CYP2C18: variants seen among roughly 807,000 people sequenced by gnomAD.
CYP2C18 encodes the protein cytochrome P450 family 2 subfamily C member 18, also known as cytochrome P450 2C18.
In CYP2C18, 38 loss-of-function variants were observed where a neutral mutation model predicts 41.3. That is an observed-to-expected ratio of 0.92 (90% CI 0.71 to 1.21). The LOEUF is 1.21. Among genes scored for constraint, CYP2C18 ranks in the 50% most tolerant of loss-of-function variants. The pLI is 0.00. For missense variants in CYP2C18, 635 were observed against 591.4 expected, an observed-to-expected ratio of 1.07 and a Z score of -0.77; for synonymous variants, 236 against 210.0, an observed-to-expected ratio of 1.12 and a Z score of -1.07.
At chr10:94,700,594 C>G (rs551570429) in intron 4 of CYP2C18, among the ~76,000 whole-genome samples, 1 of 152,300 alleles carries the variant, frequency 6.6e-6, no homozygotes, top group Admixed American at 6.5e-5. Flanking sequence ...ATACCAAAAG[C>G]AATGGCAACA....
chr10:94,716,608 G>A (rs149969171), intron 5 of CYP2C18, among the ~76,000 whole-genome samples: 7 of 152,244 alleles, frequency 4.6e-5, no homozygotes, highest in Non-Finnish European at 4.4e-5. Context: ...CAACTATGTG[G>A]TCAGTTTTGG....
chr10:94,692,962 A>G (rs950979801), intron 3 of CYP2C18, among the ~76,000 whole-genome samples: 12 of 151,842 alleles, frequency 7.9e-5, no homozygotes, highest in African/African-American at 2.7e-4. Flanking sequence ...GAATTGAACA[A>G]TGAGAACACA....
chr10:94,719,537 G>A (rs1847612930), intron 5 of CYP2C18, among the ~76,000 whole-genome samples: 1 of 151,618 alleles, frequency 6.6e-6, no homozygotes, highest in Admixed American at 6.6e-5. Context: ...CATGTAGCTG[G>A]GACCACAGAT....
In CYP2C18 at chr10:94,735,707, T is replaced by C. The variant is rs1847909206; in HGVS notation, c.*263T>C. ...ATGCTAATACCTATCTACTGCTGAGTTGTCAGTATGTTATCACTAGAAAAC... is the reference window on the plus strand; with the variant it reads ...ATGCTAATACCTATCTACTGCTGAGCTGTCAGTATGTTATCACTAGAAAAC... On this transcript the variant is annotated 3_prime_UTR_variant, in exon 9 of 9. Transcript: ENST00000285979. 4.5e-6 allele frequency: 2 copies of C among 447,416 alleles called. No homozygotes were observed. Among genetic ancestry groups the C allele is most frequent in the Non-Finnish European group, 8.0e-6 (2 of 250,094 alleles). The allele number at this position is 447,416 out of a possible 1,614,324, so 27.7% of individuals were successfully genotyped here.
intron 4 of CYP2C18, among the ~76,000 whole-genome samples, chr10:94,695,469 A>T (rs1256978259): frequency 6.6e-6 from 1 of 152,192 alleles, no homozygotes; most frequent in Non-Finnish European, 1.5e-5. Context: ...CAAGGACATG[A>T]ACTCTCTCAG....
At chr10:94,699,594 T>A (rs553624897) in intron 4 of CYP2C18, among the ~76,000 whole-genome samples, 1 of 152,108 alleles carries the variant, frequency 6.6e-6, no homozygotes, top group Non-Finnish European at 1.5e-5. Flanking sequence ...CTCTCATCAC[T>A]CCTATTCAAC....
At chr10:94,710,105 G>C (rs1847410928) in intron 5 of CYP2C18, among the ~76,000 whole-genome samples, 1 of 152,084 alleles carries the variant, frequency 6.6e-6, no homozygotes, top group Non-Finnish European at 1.5e-5. Flanking sequence ...GAATAGCTGG[G>C]ATTACAGGCA....
chr10:94,699,887 A>G (rs1329189203), intron 4 of CYP2C18, among the ~76,000 whole-genome samples: 1 of 152,230 alleles, frequency 6.6e-6, no homozygotes, highest in East Asian at 1.9e-4. Context: ...ATTGCTTCAA[A>G]GAGAATAAAA....
intron 3 of CYP2C18, among the ~76,000 whole-genome samples, chr10:94,690,719 C>CA (rs1287762644): frequency 1.3e-5 from 2 of 151,838 alleles, no homozygotes; most frequent in African/African-American, 2.4e-5. Flanking sequence ...AGAGACACAA[C>CA]AAAAAAAGAG....
intron 5 of CYP2C18, among the ~76,000 whole-genome samples, chr10:94,708,406 G>T (rs1847379584): frequency 6.6e-6 from 1 of 152,088 alleles, no homozygotes. Context: ...ACACATTTAG[G>T]GGGGTTTCCT....
At chr10:94,720,245 C>T in intron 5 of CYP2C18, 151 bp from the exon 6 acceptor site, 1 of 612,140 alleles carries the variant, frequency 1.6e-6, no homozygotes, top group South Asian at 2.4e-5. Context: ...ACATTCTCTG[C>T]CACACCGTGC....
intron 4 of CYP2C18, among the ~76,000 whole-genome samples, chr10:94,699,774 C>T (rs1031407687): frequency 6.6e-5 from 10 of 152,178 alleles, no homozygotes; most frequent in Non-Finnish European, 1.3e-4. Context: ...GCAACTTCAG[C>T]AAGGTCTCAG....
At chr10:94,724,643 G>A (rs1002868222) in intron 7 of CYP2C18, 110 bp downstream of exon 7, 43 of 1,080,172 alleles carry the variant, frequency 4.0e-5, no homozygotes, top group Non-Finnish European at 5.5e-5. Context: ...AAATTCATAC[G>A]TGGGGCAGCT....
At chr10:94,699,862 G>A (rs1488591628) in intron 4 of CYP2C18, among the ~76,000 whole-genome samples, 1 of 152,102 alleles carries the variant, frequency 6.6e-6, no homozygotes, top group Non-Finnish European at 1.5e-5. Context: ...AATCATGAGT[G>A]AACTCCCATT....
rs573172566 is a variant in CYP2C18 at position 94,695,064 on chromosome 10, C to A, written c.629C>A (p.Ser210Tyr). 6.2e-7 allele frequency: 1 copy of A among 1,611,736 alleles called. No homozygotes were observed. Among genetic ancestry groups the A allele is most frequent in the African/African-American group, 1.3e-5 (1 of 74,814 alleles). ...AATGAAAACCTCAGGATTCTGAGCTCTCCATGGATCCAGGTGAGATCAAGA... is the reference window on the plus strand; with the variant it reads ...AATGAAAACCTCAGGATTCTGAGCTATCCATGGATCCAGGTGAGATCAAGA... ...KFNENLRILS[S>Y]PWIQVCNNFP... Residue 210 changes from serine (S) to tyrosine (Y), a missense_variant, in exon 4 of 9, where the codon TCT becomes TAT. Transcript: ENST00000285979.
chr10:94,685,251 C>G (rs1032286716), intron 1 of CYP2C18, among the ~76,000 whole-genome samples: 4 of 152,066 alleles, frequency 2.6e-5, no homozygotes, highest in African/African-American at 4.8e-5. Flanking sequence ...CCAGGCTGGT[C>G]TTGAACTCTT....
At chr10:94,698,996 C>G (rs1847178598) in intron 4 of CYP2C18, among the ~76,000 whole-genome samples, 1 of 152,020 alleles carries the variant, frequency 6.6e-6, no homozygotes, top group Non-Finnish European at 1.5e-5. Flanking sequence ...AATAACTTAC[C>G]AACCAAAAAA....
intron 5 of CYP2C18, among the ~76,000 whole-genome samples, chr10:94,718,054 C>A (rs1847585286): frequency 1.3e-5 from 2 of 151,928 alleles, no homozygotes; most frequent in African/African-American, 4.8e-5. Flanking sequence ...ATAGTATGGA[C>A]ATTTTAACAA....
intron 3 of CYP2C18, among the ~76,000 whole-genome samples, chr10:94,691,681 T>C (rs1307189341): frequency 6.6e-6 from 1 of 152,044 alleles, no homozygotes; most frequent in Non-Finnish European, 1.5e-5. Flanking sequence ...TACTTTAAAG[T>C]TCATATGGAA....
Sources: allele counts gnomAD v4.1 joint callset (sites outside exome capture counted in the v4.1 genomes callset), GRCh38; gene constraint gnomAD v4.1.1; transcripts MANE v1.5; gene names NCBI Gene and HGNC (gene_info 2026-07-23, HGNC 2026-07-21).